The following TPD52L1 variants were observed in gnomAD, a reference collection of about 807,000 sequenced individuals.
The protein encoded by TPD52L1 is tumor protein D53.
In TPD52L1, 18 loss-of-function variants were observed where a neutral mutation model predicts 28.7. The observed-to-expected ratio is 0.63, with a 90% CI of 0.43 to 0.93. The LOEUF (loss-of-function observed/expected upper bound fraction) is 0.93. Among genes scored for constraint, TPD52L1 ranks in the 40% least tolerant of loss-of-function variants. TPD52L1 has a pLI of 0.00. For missense variants in TPD52L1, 203 were observed against 254.8 expected (o/e 0.80, Z 1.39); for synonymous variants, 75 against 88.8 (o/e 0.84, Z 0.88).
intron 4 of TPD52L1, among the ~76,000 whole-genome samples, chr6:125,250,585 G>A (rs1797205800): frequency 6.6e-6 from 1 of 152,180 alleles, no homozygotes; most frequent in Non-Finnish European, 1.5e-5. Context: ...ATTAGGGAGA[G>A]TACATTAACA....
chr6:125,166,557 G>A (rs565528258), intron 1 of TPD52L1, among the ~76,000 whole-genome samples: 103 of 152,248 alleles, frequency 6.8e-4, no homozygotes, highest in African/African-American at 2.4e-3. Flanking sequence ...TACCCTCTTA[G>A]GTGAAGTGCC....
intron 1 of TPD52L1, among the ~76,000 whole-genome samples, chr6:125,210,059 C>T (rs921918000): frequency 6.6e-6 from 1 of 152,092 alleles, no homozygotes; most frequent in Admixed American, 6.5e-5. Context: ...GACATTCAGA[C>T]TAGTGCCAAT....
intron 1 of TPD52L1, among the ~76,000 whole-genome samples, chr6:125,196,824 G>A (rs772025819): frequency 1.3e-5 from 2 of 152,142 alleles, no homozygotes; most frequent in African/African-American, 4.8e-5. Context: ...GGAGGTGAGC[G>A]TGAATAAGAA....
chr6:125,177,133 A>C (rs573661241), intron 1 of TPD52L1, among the ~76,000 whole-genome samples: 5 of 152,358 alleles, frequency 3.3e-5, no homozygotes, highest in South Asian at 4.1e-4. Context: ...GTTTTGAGAT[A>C]CATTCACCCG....
intron 1 of TPD52L1, chr6:125,208,871 A>G (rs757570200): frequency 8.1e-6 from 8 of 984,278 alleles, no homozygotes; most frequent in Non-Finnish European, 8.4e-6. Context: ...CTGAGCCCTC[A>G]CACCAGTGAA....
intron 1 of TPD52L1, among the ~76,000 whole-genome samples, chr6:125,161,063 G>A (rs1328136121): frequency 6.6e-6 from 1 of 152,094 alleles, no homozygotes; most frequent in Non-Finnish European, 1.5e-5. Context: ...ATGTTGTCCA[G>A]GCTGGTCTGG....
intron 1 of TPD52L1, among the ~76,000 whole-genome samples, chr6:125,198,247 A>G (rs55736347): frequency 0.084 from 12,714 of 152,198 alleles, 1,095 homozygotes; most frequent in African/African-American, 0.21. Context: ...CAGTGCTCTA[A>G]ACCCTTTCAG....
chr6:125,190,981 T>C (rs1792998095), intron 1 of TPD52L1, among the ~76,000 whole-genome samples: 1 of 152,250 alleles, frequency 6.6e-6, no homozygotes, highest in African/African-American at 2.4e-5. Context: ...TCATTCTCTG[T>C]TGCTACATCA....
intron 1 of TPD52L1, among the ~76,000 whole-genome samples, chr6:125,158,852 C>T (rs551322371): frequency 2.0e-5 from 3 of 152,250 alleles, no homozygotes; most frequent in Admixed American, 1.3e-4. Flanking sequence ...TTTTGGTTTT[C>T]TAGTGCATAT....
At chr6:125,262,635 G>T in intron 6 of TPD52L1, 199 bp from the exon 7 acceptor site, 2 of 637,130 alleles carry the variant, frequency 3.1e-6, no homozygotes, top group Non-Finnish European at 5.0e-6. Context: ...ATTAAAGTTT[G>T]GAATCCTATC....
chr6:125,244,119 T>G (rs1196724662), intron 3 of TPD52L1, among the ~76,000 whole-genome samples: 2 of 152,208 alleles, frequency 1.3e-5, no homozygotes, highest in Non-Finnish European at 2.9e-5. Flanking sequence ...TCCCTTATGC[T>G]GTTTGTAGTT....
chr6:125,181,603 G>A (rs1792203842), intron 1 of TPD52L1, among the ~76,000 whole-genome samples: 1 of 152,170 alleles, frequency 6.6e-6, no homozygotes, highest in South Asian at 2.1e-4. Context: ...GTTATTTTAC[G>A]ATAATATTTA....
intron 3 of TPD52L1, among the ~76,000 whole-genome samples, chr6:125,244,157 C>G (rs1156295803): frequency 6.6e-6 from 1 of 152,144 alleles, no homozygotes; most frequent in Non-Finnish European, 1.5e-5. Flanking sequence ...TGGGTGAGTT[C>G]ACTGCCTCTT....
In TPD52L1 at chr6:125,184,643, T is replaced by A. The variant is rs1485939024; in HGVS notation, c.19+30673T>A. ...CACTGGTTTCATTTGATTCCTAGTA[T>A]TAGGCATTTTGTTTTCAGAACATTT... is the stretch of plus-strand genomic sequence containing the variant. On this transcript the variant is annotated intron_variant, in intron 1 of 6. Transcript: ENST00000534000. Among the ~76,000 whole-genome samples the A allele has an allele frequency of 5.3e-5, 8 of 152,340 alleles. No individual in the cohort carries two copies. In the East Asian group the frequency reaches 1.5e-3, roughly 29 times the overall value.
chr6:125,219,713 C>T, intron 1 of TPD52L1: 1 of 304,130 alleles, frequency 3.3e-6, no homozygotes, highest in Non-Finnish European at 6.4e-6. Flanking sequence ...ACAGGAATCT[C>T]ACATTAAACC....
chr6:125,236,062 G>A (rs1227220214), intron 3 of TPD52L1, among the ~76,000 whole-genome samples: 1 of 152,110 alleles, frequency 6.6e-6, no homozygotes, highest in South Asian at 2.1e-4. Flanking sequence ...CATTTTAATG[G>A]AAAGCAGGCA....
At chr6:125,251,156 G>A (rs1797242615) in intron 4 of TPD52L1, among the ~76,000 whole-genome samples, 1 of 152,060 alleles carries the variant, frequency 6.6e-6, no homozygotes, top group African/African-American at 2.4e-5. Context: ...AGCTTTGATT[G>A]TTTGTTCAAA....
chr6:125,229,868 C>G (rs1420514941), intron 3 of TPD52L1, among the ~76,000 whole-genome samples: 1 of 152,100 alleles, frequency 6.6e-6, no homozygotes, highest in East Asian at 1.9e-4. Context: ...GGGTGGATCA[C>G]AAGGTCAGGA....
intron 2 of TPD52L1, among the ~76,000 whole-genome samples, chr6:125,227,783 A>G (rs1354129907): frequency 6.6e-6 from 1 of 152,258 alleles, no homozygotes; most frequent in African/African-American, 2.4e-5. Flanking sequence ...AGGATAGAAC[A>G]GCACTTTCCA....
Sources: allele counts gnomAD v4.1 joint callset (sites outside exome capture counted in the v4.1 genomes callset), GRCh38; gene constraint gnomAD v4.1.1; transcripts MANE v1.5; gene names NCBI Gene and HGNC (gene_info 2026-07-23, HGNC 2026-07-21).